Variants in ABCC4 observed in about 807,000 individuals in gnomAD.
The protein encoded by ABCC4 is ATP-binding cassette sub-family C member 4.
Under a neutral mutation model 168.5 loss-of-function variants are expected in ABCC4, and 102 were observed. That is an observed-to-expected ratio of 0.61 (90% CI 0.52 to 0.71). The LOEUF (loss-of-function observed/expected upper bound fraction) is 0.71, where lower values mean the gene tolerates loss of function less well. Ranked by LOEUF, ABCC4 falls within the 30% of genes least tolerant of loss-of-function variation. The pLI is 0.00. For missense variants in ABCC4, 1,402 were observed against 1,605.8 expected (o/e 0.87, Z 2.17); for synonymous variants, 617 against 590.7 (o/e 1.04, Z -0.65).
intron 21 of ABCC4, among the ~76,000 whole-genome samples, chr13:95,080,310 T>G (rs1442196372): frequency 1.3e-5 from 2 of 152,204 alleles, no homozygotes; most frequent in Non-Finnish European, 2.9e-5. Context: ...ATTCCGGTTT[T>G]TATGTACTTC....
At chr13:95,229,870 G>A (rs556794148) in intron 4 of ABCC4, among the ~76,000 whole-genome samples, 5 of 152,188 alleles carry the variant, frequency 3.3e-5, no homozygotes, top group African/African-American at 1.2e-4. Flanking sequence ...TTGACTAAAG[G>A]GACCCTCTTC....
intron 11 of ABCC4, among the ~76,000 whole-genome samples, chr13:95,183,144 T>C (rs1367127793): frequency 2.0e-5 from 3 of 151,828 alleles, no homozygotes; most frequent in Non-Finnish European, 4.4e-5. Context: ...GCAAAATCTT[T>C]TATTTATCTT....
chr13:95,246,325 T>A (rs1387543148), intron 3 of ABCC4, among the ~76,000 whole-genome samples: 2 of 152,210 alleles, frequency 1.3e-5, no homozygotes, highest in East Asian at 3.9e-4. Context: ...TCGGACCTTC[T>A]TCCCAGAGGG....
intron 19 of ABCC4, among the ~76,000 whole-genome samples, chr13:95,130,936 C>CT (rs1174473473): frequency 6.6e-6 from 1 of 151,920 alleles, no homozygotes; most frequent in Non-Finnish European, 1.5e-5. Context: ...CAAGAAAATG[C>CT]TTTTTTTTCT....
At chr13:95,203,752 A>G (rs764246099) in intron 8 of ABCC4, among the ~76,000 whole-genome samples, 6 of 152,078 alleles carry the variant, frequency 3.9e-5, no homozygotes, top group Middle Eastern at 3.2e-3. Context: ...AGGGACACAC[A>G]TAACGAGGCA....
At chr13:95,176,323 C>A (rs2037700711) in intron 13 of ABCC4, among the ~76,000 whole-genome samples, 1 of 149,380 alleles carries the variant, frequency 6.7e-6, no homozygotes. Context: ...GGCAAAGCCC[C>A]CTCTCTTCAA....
intron 20 of ABCC4, among the ~76,000 whole-genome samples, chr13:95,097,653 T>C (rs1344449620): frequency 8.1e-6 from 1 of 123,372 alleles, no homozygotes; most frequent in Admixed American, 1.0e-4. Flanking sequence ...GTAAAGTAAA[T>C]ACTGGGCCAT....
chr13:95,033,513 G>A (rs1488927168), intron 30 of ABCC4, among the ~76,000 whole-genome samples: 1 of 152,146 alleles, frequency 6.6e-6, no homozygotes, highest in Non-Finnish European at 1.5e-5. Flanking sequence ...TATCACATCT[G>A]TAGAATGAGA....
At position 95,244,637 on chromosome 13, in the gene ABCC4, G is replaced by GAAAGAA. The variant is rs1566563554; in HGVS notation, c.306+2332_306+2337dup. ...AGAAAGAAAGAAAGAAAGAAAGAAAGAAAGAAAGAAAGAAAGAAAGAAAGA... is the reference window on the plus strand; with the variant it reads ...AGAAAGAAAGAAAGAAAGAAAGAAAGAAAGAAAAAGAAAGAAAGAAAGAAAGAAAGA... On this transcript the variant is annotated intron_variant, in intron 3 of 30. Coordinates refer to ENST00000645237, the MANE Select transcript of ABCC4 (RefSeq NM_005845.5). Among the ~76,000 whole-genome samples the GAAAGAA allele has an allele frequency of 9.8e-5, 8 of 81,716 alleles. 2 individuals carry two copies. Among genetic ancestry groups the GAAAGAA allele is most frequent in the African/African-American group, 4.0e-4 (7 of 17,378 alleles). 53.6% of individuals were successfully genotyped at this position (81,716 alleles called of 152,430 possible).
At chr13:95,118,864 AC>A (rs1246575767) in intron 19 of ABCC4, among the ~76,000 whole-genome samples, 6 of 152,194 alleles carry the variant, frequency 3.9e-5, no homozygotes, top group African/African-American at 1.4e-4. Flanking sequence ...TTCTGCCCTT[AC>A]AACCATACAA....
chr13:95,268,517 GCTCGTCC>G (rs1408530762), intron 1 of ABCC4, among the ~76,000 whole-genome samples: 5 of 125,486 alleles, frequency 4.0e-5, no homozygotes, highest in Admixed American at 3.7e-4. Flanking sequence ...TCTGTCTCCT[GCTCGTCC>G]CTTGGCCCTT....
chr13:95,207,422 T>C (rs2038813819), intron 7 of ABCC4, among the ~76,000 whole-genome samples: 1 of 152,222 alleles, frequency 6.6e-6, no homozygotes, highest in Non-Finnish European at 1.5e-5. Flanking sequence ...TGGTCCAATA[T>C]AGATATGCCC....
At chr13:95,286,395 C>G (rs186823685) in intron 1 of ABCC4, among the ~76,000 whole-genome samples, 2,075 of 152,146 alleles carry the variant, frequency 0.014, 20 homozygotes, top group Middle Eastern at 0.024. Context: ...GCTGAGATTA[C>G]AGGCATGAGC....
intron 13 of ABCC4, among the ~76,000 whole-genome samples, chr13:95,174,624 G>T (rs992108176): frequency 6.6e-6 from 1 of 152,240 alleles, no homozygotes; most frequent in Non-Finnish European, 1.5e-5. Context: ...GAGGGAGCTT[G>T]TGCGATACGC....
At chr13:95,183,218 T>A (rs2037955055) in intron 11 of ABCC4, among the ~76,000 whole-genome samples, 1 of 152,136 alleles carries the variant, frequency 6.6e-6, no homozygotes. Flanking sequence ...TGTTTGCATT[T>A]TACAGACATT....
chr13:95,118,141 C>G (rs1240938233), intron 19 of ABCC4, among the ~76,000 whole-genome samples: 1 of 152,162 alleles, frequency 6.6e-6, no homozygotes, highest in Non-Finnish European at 1.5e-5. Context: ...AATCAAAACT[C>G]TTATCAACAA....
At chr13:95,239,979 C>G (rs2039884500) in intron 3 of ABCC4, among the ~76,000 whole-genome samples, 1 of 152,156 alleles carries the variant, frequency 6.6e-6, no homozygotes, top group Non-Finnish European at 1.5e-5. Flanking sequence ...ACACACATAA[C>G]CAGACCTAAG....
At chr13:95,178,139 T>C (rs2037772530) in intron 11 of ABCC4, 48 bp from the exon 12 acceptor site, 7 of 1,526,306 alleles carry the variant, frequency 4.6e-6, no homozygotes, top group Non-Finnish European at 6.4e-6. Flanking sequence ...TTAAAACATG[T>C]TCTTCCTCTG....
In ABCC4 at chr13:95,190,190, A is replaced by G. The variant is rs554221248; in HGVS notation, c.1264-1648T>C. On this transcript the variant is annotated intron_variant, in intron 9 of 30. Transcript: ENST00000645237. The stretch of plus-strand genomic sequence containing the variant: ...TGAGAAACCATCTCTTAAAGAAAAA[A>G]AAATCAGCCAGGCATGGTGTGTGCC... 5.3e-5 allele frequency among the ~76,000 whole-genome samples: 8 copies of G among 152,180 alleles called. No homozygotes were observed. The South Asian group carries it at 1.7e-3, about 32-fold the overall frequency.
Sources: gnomAD v4.1 joint callset for allele counts (sites outside exome capture counted in the v4.1 genomes callset) on GRCh38, gnomAD v4.1.1 for gene constraint, MANE v1.5 for transcripts, NCBI Gene and HGNC (gene_info 2026-07-23, HGNC 2026-07-21) for gene names.